ZFAND3: variants seen among roughly 807,000 people sequenced by gnomAD.
The protein encoded by ZFAND3 is zinc finger AN1-type containing 3, also known as AN1-type zinc finger protein 3.
In ZFAND3, 10 loss-of-function variants were observed where a neutral mutation model predicts 29.6. The ratio of observed to expected loss-of-function variants is 0.34; its 90% CI spans 0.21 to 0.57. ZFAND3 has a LOEUF of 0.57. Ranked by LOEUF, ZFAND3 falls within the 20% of genes least tolerant of loss-of-function variation. The pLI, the probability that ZFAND3 is intolerant of heterozygous loss-of-function variation, is 0.86. For missense variants in ZFAND3, 230 were observed against 304.5 expected, an observed-to-expected ratio of 0.76 and a Z score of 1.82; for synonymous variants, 128 against 112.6, an observed-to-expected ratio of 1.14 and a Z score of -0.87.
At chr6:38,053,304 A>AT (rs60101357) in intron 2 of ZFAND3, among the ~76,000 whole-genome samples, 133,280 of 145,314 alleles carry the variant, frequency 0.92, 61,620 homozygotes, top group East Asian at 0.98. Context: ...TTTTCTTACA[A>AT]TTTTTTTTTT....
At chr6:38,018,892 C>T (rs1201648415) in intron 2 of ZFAND3, among the ~76,000 whole-genome samples, 2 of 152,168 alleles carry the variant, frequency 1.3e-5, no homozygotes, top group Non-Finnish European at 2.9e-5. Context: ...AAATAATTTA[C>T]ACTCCCACTG....
rs570430151 is a variant in ZFAND3 at position 37,910,076 on chromosome 6, A to G, written c.72-19883A>G. 4.6e-5 allele frequency among the ~76,000 whole-genome samples: 7 copies of G among 152,354 alleles called. No individual in the cohort carries two copies. The East Asian group carries it at 1.3e-3, about 29-fold the overall frequency. On this transcript the variant is annotated intron_variant, in intron 1 of 5. Transcript: ENST00000287218. ...TCATCAACTGATTTGAGAGCCATAC[A>G]CTTGTTTCTGCATAAGCCACACAAA...
At chr6:38,041,631 T>TCTTCTTCTTCTTCTTC (rs1554169126) in intron 2 of ZFAND3, among the ~76,000 whole-genome samples, 3 of 56,196 alleles carry the variant, frequency 5.3e-5, no homozygotes, top group African/African-American at 1.6e-4. Context: ...TTATCTACTT[T>TCTTCTTCTTCTTCTTC]TTCTTCTTCT....
chr6:38,103,897 A>G (rs1190985745), intron 4 of ZFAND3, among the ~76,000 whole-genome samples: 3 of 152,216 alleles, frequency 2.0e-5, no homozygotes, highest in Admixed American at 6.5e-5. Flanking sequence ...ACATCAATGC[A>G]TTGTAATGTT....
intron 4 of ZFAND3, among the ~76,000 whole-genome samples, chr6:38,090,640 T>G (rs1471932964): frequency 6.6e-6 from 1 of 152,232 alleles, no homozygotes; most frequent in Non-Finnish European, 1.5e-5. Context: ...GTGTGGGTTT[T>G]GGCCATTCAG....
intron 5 of ZFAND3, among the ~76,000 whole-genome samples, chr6:38,140,870 G>A (rs1160888527): frequency 6.6e-6 from 1 of 152,176 alleles, no homozygotes; most frequent in Admixed American, 6.5e-5. Context: ...ACTCATGTCT[G>A]CAGAAAATAT....
chr6:38,094,011 G>T (rs1390380487), intron 4 of ZFAND3, among the ~76,000 whole-genome samples: 1 of 152,220 alleles, frequency 6.6e-6, no homozygotes, highest in Admixed American at 6.5e-5. Context: ...ACCCAGAAGG[G>T]TTATTTCTAT....
intron 4 of ZFAND3, among the ~76,000 whole-genome samples, chr6:38,090,050 A>G (rs1185420446): frequency 1.3e-5 from 2 of 152,120 alleles, no homozygotes; most frequent in East Asian, 1.9e-4. Flanking sequence ...ACGGGGTTTC[A>G]CCATGTTGGC....
chr6:37,981,547 G>T (rs1762579805), intron 2 of ZFAND3, among the ~76,000 whole-genome samples: 1 of 152,024 alleles, frequency 6.6e-6, no homozygotes, highest in Admixed American at 6.6e-5. Context: ...TACTGTGGGA[G>T]GATCATGGAA....
intron 4 of ZFAND3, among the ~76,000 whole-genome samples, chr6:38,086,755 T>C (rs867824778): frequency 2.0e-5 from 3 of 152,210 alleles, no homozygotes; most frequent in Non-Finnish European, 2.9e-5. Context: ...TTCATGACAG[T>C]ATATTTTTAT....
chr6:37,924,755 A>G (rs1761451395), intron 1 of ZFAND3, among the ~76,000 whole-genome samples: 1 of 151,962 alleles, frequency 6.6e-6, no homozygotes, highest in Non-Finnish European at 1.5e-5. Flanking sequence ...TAGGAGGTCA[A>G]GGCTGCAGTG....
At chr6:37,846,962 C>T (rs970632755) in intron 1 of ZFAND3, among the ~76,000 whole-genome samples, 13 of 152,160 alleles carry the variant, frequency 8.5e-5, no homozygotes, top group Non-Finnish European at 5.9e-5. Context: ...CTGCCTGCCT[C>T]AGCCTCCCAA....
intron 1 of ZFAND3, among the ~76,000 whole-genome samples, chr6:37,867,687 TA>T (rs1422304734): frequency 6.6e-6 from 1 of 152,220 alleles, no homozygotes; most frequent in Non-Finnish European, 1.5e-5. Context: ...CATAGTTACC[TA>T]AACTAGTGGC....
intron 2 of ZFAND3, among the ~76,000 whole-genome samples, chr6:37,946,317 C>T (rs936968970): frequency 2.0e-5 from 3 of 152,154 alleles, no homozygotes; most frequent in Non-Finnish European, 4.4e-5. Context: ...GTTTTGTGAA[C>T]ATCTGACATT....
intron 1 of ZFAND3, among the ~76,000 whole-genome samples, chr6:37,862,457 C>G (rs796715184): frequency 2.7e-5 from 4 of 150,804 alleles, no homozygotes; most frequent in African/African-American, 9.8e-5. Context: ...GAGGCTGAGG[C>G]TGGAGGATTG....
At chr6:37,990,710 A>T (rs1762743955) in intron 2 of ZFAND3, among the ~76,000 whole-genome samples, 1 of 152,170 alleles carries the variant, frequency 6.6e-6, no homozygotes, top group Non-Finnish European at 1.5e-5. Context: ...ATACTAAATC[A>T]CTTAATTTGG....
chr6:37,879,358 G>T (rs1000609017), intron 1 of ZFAND3, among the ~76,000 whole-genome samples: 1 of 151,540 alleles, frequency 6.6e-6, no homozygotes, highest in African/African-American at 2.4e-5. Context: ...TTGTGGGGGA[G>T]CGGGTGGTGG....
At chr6:37,917,003 T>A (rs1317371956) in intron 1 of ZFAND3, among the ~76,000 whole-genome samples, 1 of 152,194 alleles carries the variant, frequency 6.6e-6, no homozygotes, top group Non-Finnish European at 1.5e-5. Context: ...AGTAATCCTA[T>A]TTTACTTAAT....
chr6:37,970,056 A>G (rs1284345030), intron 2 of ZFAND3, among the ~76,000 whole-genome samples: 3 of 152,128 alleles, frequency 2.0e-5, no homozygotes, highest in Non-Finnish European at 2.9e-5. Flanking sequence ...TGAACCCAGA[A>G]GGCAGAGGTT....
Sources: gnomAD v4.1 joint callset for allele counts (sites outside exome capture counted in the v4.1 genomes callset) on GRCh38, gnomAD v4.1.1 for gene constraint, MANE v1.5 for transcripts, NCBI Gene and HGNC (gene_info 2026-07-23, HGNC 2026-07-21) for gene names.